Variants in SLC12A6 observed in about 807,000 individuals in gnomAD.
SLC12A6 encodes solute carrier family 12 member 6.
In SLC12A6, 66 loss-of-function variants were observed where a neutral mutation model predicts 135.3. That is an observed-to-expected ratio of 0.49 (90% confidence interval 0.40 to 0.60). The LOEUF (loss-of-function observed/expected upper bound fraction) is 0.60. Among genes scored for constraint, SLC12A6 ranks in the 20% least tolerant of loss-of-function variants. SLC12A6 has a pLI of 0.00. For missense variants in SLC12A6, 1,058 were observed against 1,452.3 expected, an observed-to-expected ratio of 0.73 and a Z score of 4.41; for synonymous variants, 513 against 508.8, an observed-to-expected ratio of 1.01 and a Z score of -0.11.
chr15:34,295,264 T>G (rs1483812161), intron 2 of SLC12A6, among the ~76,000 whole-genome samples: 5 of 151,888 alleles, frequency 3.3e-5, no homozygotes, highest in Non-Finnish European at 7.4e-5. Flanking sequence ...TGAGGCAGAG[T>G]GAAAAGATAA....
chr15:34,235,402 CACTTG>C, intron 24 of SLC12A6, 88 bp from the exon 25 acceptor site: 4 of 967,946 alleles, frequency 4.1e-6, no homozygotes, highest in Non-Finnish European at 6.6e-6. Context: ...TGAGCTTTTT[CACTTG>C]ACTATGGATA....
intron 2 of SLC12A6, among the ~76,000 whole-genome samples, chr15:34,328,936 T>C (rs1433534337): frequency 3.9e-5 from 6 of 152,200 alleles, no homozygotes; most frequent in African/African-American, 1.4e-4. Flanking sequence ...AAGCACTAAT[T>C]ACAGGGTTTT....
intron 3 of SLC12A6, among the ~76,000 whole-genome samples, chr15:34,266,772 AT>A: frequency 1.3e-5 from 2 of 152,154 alleles, no homozygotes; most frequent in Non-Finnish European, 2.9e-5. Context: ...TTTAGTTATT[AT>A]TATTATTTTG....
intron 2 of SLC12A6, among the ~76,000 whole-genome samples, chr15:34,301,945 C>G (rs1171788144): frequency 6.6e-6 from 1 of 152,194 alleles, no homozygotes; most frequent in Non-Finnish European, 1.5e-5. Context: ...AATGTTAAGA[C>G]CACTTTTTGT....
chr15:34,289,701 G>C (rs1481210583), intron 2 of SLC12A6, among the ~76,000 whole-genome samples: 1 of 152,108 alleles, frequency 6.6e-6, no homozygotes, highest in African/African-American at 2.4e-5. Flanking sequence ...TCCTTGTTTA[G>C]TCTTGGGAGG....
At chr15:34,235,094 G>A in intron 25 of SLC12A6, 87 bp downstream of exon 25, 3 of 1,218,042 alleles carry the variant, frequency 2.5e-6, no homozygotes, top group Non-Finnish European at 3.7e-6. Context: ...GTGGGGCATA[G>A]ACAATGACTT....
chr15:34,303,516 T>C (rs1896399556), intron 2 of SLC12A6, among the ~76,000 whole-genome samples: 1 of 152,178 alleles, frequency 6.6e-6, no homozygotes, highest in East Asian at 1.9e-4. Flanking sequence ...TCAACACTAG[T>C]TCCTCTTTAA....
chr15:34,260,770 CACAG>C (rs1187547237), intron 4 of SLC12A6, among the ~76,000 whole-genome samples, 152 bp downstream of exon 4: 4 of 152,184 alleles, frequency 2.6e-5, no homozygotes, highest in African/African-American at 9.7e-5. Context: ...AATTAGATTA[CACAG>C]ACAAAATTTA....
chr15:34,263,128 A>C (rs761713841), intron 3 of SLC12A6, among the ~76,000 whole-genome samples: 20 of 151,980 alleles, frequency 1.3e-4, no homozygotes, highest in Non-Finnish European at 2.2e-4. Context: ...ATAAAAGTTG[A>C]AAAAAAATAG....
At chr15:34,286,808 T>G (rs770484783) in intron 2 of SLC12A6, among the ~76,000 whole-genome samples, 1 of 152,108 alleles carries the variant, frequency 6.6e-6, no homozygotes, top group African/African-American at 2.4e-5. Flanking sequence ...AATTTCCCTA[T>G]GTGCATTAAT....
intron 3 of SLC12A6, among the ~76,000 whole-genome samples, 188 bp from the exon 4 acceptor site, chr15:34,261,208 A>G (rs933763463): frequency 1.3e-5 from 2 of 152,230 alleles, no homozygotes; most frequent in Non-Finnish European, 2.9e-5. Flanking sequence ...AGGAACAAAA[A>G]GAAAACTCTG....
intron 2 of SLC12A6, among the ~76,000 whole-genome samples, chr15:34,285,688 C>T (rs565443452): frequency 8.0e-4 from 14 of 17,512 alleles, no homozygotes; most frequent in South Asian, 6.5e-3. Flanking sequence ...ACAAAATGTG[C>T]TATATGTGTG....
chr15:34,288,001 T>C (rs1047973055), intron 2 of SLC12A6, among the ~76,000 whole-genome samples: 4 of 152,238 alleles, frequency 2.6e-5, no homozygotes, highest in Non-Finnish European at 5.9e-5. Context: ...CATTTGTCAA[T>C]GTTGGCTTTT....
chr15:34,264,659 C>CTTTT (rs1210734299), intron 3 of SLC12A6, among the ~76,000 whole-genome samples: 1 of 151,994 alleles, frequency 6.6e-6, no homozygotes, highest in East Asian at 1.9e-4. Flanking sequence ...ATATATCACT[C>CTTTT]TTTTTTTTAA....
chr15:34,236,877 C>T (rs933846652), intron 22 of SLC12A6, 62 bp from the exon 23 acceptor site: 2 of 928,096 alleles, frequency 2.2e-6, no homozygotes, highest in South Asian at 2.6e-5. Context: ...ATGAACCATA[C>T]ATTTTTATTT....
At chr15:34,280,961 T>C (rs1894637625) in intron 2 of SLC12A6, among the ~76,000 whole-genome samples, 1 of 152,008 alleles carries the variant, frequency 6.6e-6, no homozygotes, top group Non-Finnish European at 1.5e-5. Flanking sequence ...TTCTCATTCA[T>C]ATGTGAGAGT....
At chr15:34,234,551 T>C (rs1891126592) in intron 25 of SLC12A6, among the ~76,000 whole-genome samples, 1 of 152,004 alleles carries the variant, frequency 6.6e-6, no homozygotes, top group African/African-American at 2.4e-5. Flanking sequence ...TTTCTATTTT[T>C]AGTGGAGACG....
At chr15:34,289,785 C>G (rs1008988425) in intron 2 of SLC12A6, among the ~76,000 whole-genome samples, 12 of 152,084 alleles carry the variant, frequency 7.9e-5, no homozygotes, top group African/African-American at 2.7e-4. Flanking sequence ...TTATAGTATT[C>G]TCTGATGGTA....
intron 3 of SLC12A6, among the ~76,000 whole-genome samples, chr15:34,271,602 TACACACACACACAC>T (rs10588100): frequency 6.7e-6 from 1 of 148,826 alleles, no homozygotes; most frequent in African/African-American, 2.5e-5. Flanking sequence ...AGTGCAAAGC[TACACACACACACAC>T]ACACACACAC....
Sources: gnomAD v4.1 joint callset for allele counts (sites outside exome capture counted in the v4.1 genomes callset) on GRCh38, gnomAD v4.1.1 for gene constraint, MANE v1.5 for transcripts, NCBI Gene and HGNC (gene_info 2026-07-23, HGNC 2026-07-21) for gene names.